Variants in NCKAP5 observed in about 807,000 individuals in gnomAD.
NCKAP5 encodes the protein NCK associated protein 5.
In NCKAP5, 92 loss-of-function variants were observed where a neutral mutation model predicts 167.0. That is an observed-to-expected ratio of 0.55 (90% CI 0.47 to 0.66). The LOEUF is 0.66. NCKAP5 is among the 30% of genes least tolerant of loss of function. The pLI is 0.00. For missense variants in NCKAP5, 2,378 were observed against 2,315.0 expected (o/e 1.03, Z -0.56); for synonymous variants, 891 against 877.4 (o/e 1.02, Z -0.27).
intron 18 of NCKAP5, among the ~76,000 whole-genome samples, chr2:132,726,382 C>T (rs12471627): frequency 0.12 from 17,937 of 152,212 alleles, 1,649 homozygotes; most frequent in East Asian, 0.45. Context: ...CTGACCCCAT[C>T]CCCTAAGGAT....
At chr2:132,844,237 T>C (rs1688505079) in intron 11 of NCKAP5, among the ~76,000 whole-genome samples, 2 of 152,142 alleles carry the variant, frequency 1.3e-5, no homozygotes, top group South Asian at 4.1e-4. Context: ...TTTATAAACT[T>C]TTCCTACCCT....
intron 5 of NCKAP5, among the ~76,000 whole-genome samples, chr2:133,179,811 GA>G (rs541478942): frequency 6.6e-6 from 1 of 150,712 alleles, no homozygotes; most frequent in African/African-American, 2.4e-5. Flanking sequence ...AAATTCAACT[GA>G]AAAAAAGGAA....
chr2:133,587,055 C>T, the NCKAP5 span, among the ~76,000 whole-genome samples: 44 of 152,252 alleles, frequency 2.9e-4, no homozygotes, highest in African/African-American at 9.1e-4. Context: ...AGGACTCACG[C>T]GAGGGGTGTG....
the NCKAP5 span, among the ~76,000 whole-genome samples, chr2:133,644,386 A>G: frequency 2.0e-5 from 3 of 152,176 alleles, no homozygotes; most frequent in Admixed American, 6.5e-5. Context: ...CTTAGCTACC[A>G]TAATCATTTC....
chr2:132,873,708 A>T (rs925754085), intron 9 of NCKAP5, among the ~76,000 whole-genome samples: 2 of 152,254 alleles, frequency 1.3e-5, no homozygotes, highest in Non-Finnish European at 2.9e-5. Flanking sequence ...GACTATTTGA[A>T]GTGGGTCCAC....
intron 5 of NCKAP5, among the ~76,000 whole-genome samples, chr2:133,183,223 C>T (rs2084807308): frequency 6.6e-6 from 1 of 151,970 alleles, no homozygotes; most frequent in African/African-American, 2.4e-5. Flanking sequence ...CAATCTCTTT[C>T]AGAAAATACA....
At position 133,320,104 on chromosome 2, in the gene NCKAP5, CAATGGAGT is replaced by C. The variant is rs1559380947; in HGVS notation, c.70-17002_70-16995del. Among the ~76,000 whole-genome samples, 4 of 152,144 alleles carry C rather than the reference CAATGGAGT, an allele frequency of 2.6e-5. No homozygotes were observed. The South Asian group carries it at 8.3e-4, about 32-fold the overall frequency. On this transcript the variant is annotated intron_variant, in intron 3 of 19. Transcript: ENST00000409261. ...ATGCAAAAATCACAAGGAGTAGAAG[CAATGGAGT>C]GTTGTGCTTTTTGGACTAAGGCTGT...
intron 19 of NCKAP5, among the ~76,000 whole-genome samples, chr2:132,691,166 A>G (rs966332605): frequency 1.3e-5 from 2 of 152,028 alleles, no homozygotes; most frequent in Non-Finnish European, 2.9e-5. Flanking sequence ...ATTCTTCACC[A>G]TTTGTTTTTT....
At chr2:133,100,940 C>A (rs2081493780) in intron 6 of NCKAP5, among the ~76,000 whole-genome samples, 1 of 152,072 alleles carries the variant, frequency 6.6e-6, no homozygotes, top group South Asian at 2.1e-4. Context: ...GCTTTTGTTG[C>A]CATTGCTTTT....
intron 11 of NCKAP5, among the ~76,000 whole-genome samples, chr2:132,811,287 T>C (rs887136302): frequency 2.0e-5 from 3 of 152,014 alleles, no homozygotes; most frequent in African/African-American, 2.4e-5. Flanking sequence ...ATCAGCTGTA[T>C]TAGTGTGGAA....
chr2:133,078,727 T>C (rs994666131), intron 6 of NCKAP5, among the ~76,000 whole-genome samples: 4 of 152,072 alleles, frequency 2.6e-5, no homozygotes, highest in Admixed American at 1.3e-4. Flanking sequence ...CCTTAAACAG[T>C]CTTTTAGTAT....
intron 4 of NCKAP5, among the ~76,000 whole-genome samples, chr2:133,262,448 A>C (rs1372869678): frequency 6.6e-6 from 1 of 152,244 alleles, no homozygotes; most frequent in South Asian, 2.1e-4. Flanking sequence ...CACCTGCTAC[A>C]GTACCTGGAA....
At chr2:132,800,743 A>T (rs1374710309) in intron 11 of NCKAP5, among the ~76,000 whole-genome samples, 1 of 152,100 alleles carries the variant, frequency 6.6e-6, no homozygotes, top group Admixed American at 6.6e-5. Flanking sequence ...CCCACAGTGG[A>T]TTCCCTGCCT....
intron 6 of NCKAP5, among the ~76,000 whole-genome samples, chr2:133,071,659 C>T (rs113097375): frequency 0.031 from 4,779 of 152,184 alleles, 251 homozygotes; most frequent in African/African-American, 0.11. Context: ...CTATTCTTTC[C>T]GAGCGTCTAT....
chr2:133,178,074 T>C (rs1271443466), intron 5 of NCKAP5, among the ~76,000 whole-genome samples: 3 of 152,156 alleles, frequency 2.0e-5, no homozygotes, highest in Non-Finnish European at 4.4e-5. Context: ...CCAGCAGAAG[T>C]TCCCCTTTGG....
At chr2:133,476,141 C>A (rs945642245) in intron 3 of NCKAP5, among the ~76,000 whole-genome samples, 2 of 152,168 alleles carry the variant, frequency 1.3e-5, no homozygotes, top group East Asian at 3.9e-4. Context: ...TAAAAGTTTT[C>A]GAATTAATTT....
intron 5 of NCKAP5, among the ~76,000 whole-genome samples, chr2:133,157,520 T>C (rs879774725): frequency 2.0e-5 from 3 of 152,232 alleles, no homozygotes; most frequent in Non-Finnish European, 4.4e-5. Context: ...CATTCTGTGT[T>C]TTGATTAATG....
the NCKAP5 span, among the ~76,000 whole-genome samples, chr2:133,654,963 A>G: frequency 6.6e-6 from 1 of 152,216 alleles, no homozygotes; most frequent in Admixed American, 6.5e-5. Context: ...CTCTAATTCA[A>G]TCAAAGCTGC....
chr2:132,825,184 G>T (rs1467853421), intron 11 of NCKAP5, among the ~76,000 whole-genome samples: 1 of 152,116 alleles, frequency 6.6e-6, no homozygotes, highest in Non-Finnish European at 1.5e-5. Flanking sequence ...TCCTCGTACT[G>T]CCCACAGGAC....
Sources: allele counts gnomAD v4.1 joint callset (sites outside exome capture counted in the v4.1 genomes callset), GRCh38; gene constraint gnomAD v4.1.1; transcripts MANE v1.5; gene names NCBI Gene and HGNC (gene_info 2026-07-23, HGNC 2026-07-21).